The following ANKDD1B variants were observed in gnomAD, a reference collection of about 807,000 sequenced individuals.
The protein encoded by ANKDD1B is ankyrin repeat and death domain-containing protein 1B.
In ANKDD1B, 57 loss-of-function variants were observed where a neutral mutation model predicts 59.7. The observed-to-expected ratio is 0.95, with a 90% CI of 0.77 to 1.19. The LOEUF is 1.19. Among genes scored for constraint, ANKDD1B ranks in the 50% most tolerant of loss-of-function variants. The pLI is 0.00. For missense variants in ANKDD1B, 602 were observed against 641.9 expected (o/e 0.94, Z 0.67); for synonymous variants, 216 against 239.5 (o/e 0.90, Z 0.91).
At chr5:75,612,332 TCCGCCCCGC>T (rs1773589058) in intron 1 of ANKDD1B, among the ~76,000 whole-genome samples, 1 of 32,178 alleles carries the variant, frequency 3.1e-5, no homozygotes, top group Non-Finnish European at 7.0e-5. Context: ...CCCCCCGCCC[TCCGCCCCGC>T]CCCCGCCCTC....
chr5:75,624,411 A>C (rs1213786594), intron 3 of ANKDD1B, among the ~76,000 whole-genome samples: 1 of 152,130 alleles, frequency 6.6e-6, no homozygotes, highest in African/African-American at 2.4e-5. Context: ...CCTCCCTAAA[A>C]TAACCAGTGT....
intron 11 of ANKDD1B, among the ~76,000 whole-genome samples, chr5:75,666,125 C>G (rs1308883053): frequency 1.3e-5 from 2 of 152,098 alleles, no homozygotes; most frequent in South Asian, 2.1e-4. Flanking sequence ...CTGCAGGACT[C>G]TGGTGGATTC....
At chr5:75,632,565 G>A (rs1173574843) in intron 5 of ANKDD1B, among the ~76,000 whole-genome samples, 1 of 152,184 alleles carries the variant, frequency 6.6e-6, no homozygotes, top group Non-Finnish European at 1.5e-5. Context: ...AGAAGAGGCA[G>A]GAGCCTATAA....
At position 75,656,103 on chromosome 5, in the gene ANKDD1B, G is replaced by C; in HGVS notation, c.972G>C (p.Gln324His). Residue 324 changes from glutamine (Q) to histidine (H), a missense_variant, in exon 9 of 14, where the codon CAG becomes CAC. Transcript: ENST00000601380. Reference sequence around the variant, plus strand: ...TTGTAAACAGTTTATTAAGTGCACAGCATGATATTGACATCTTAAATCAGG... The same window carrying C: ...TTGTAAACAGTTTATTAAGTGCACACCATGATATTGACATCTTAAATCAGG... ...ITVVNSLLSA[Q>H]HDIDILNQKQ... The C allele has an allele frequency of 6.6e-7, 1 of 1,521,710 alleles. No homozygotes were observed. Among genetic ancestry groups the C allele is most frequent in the Non-Finnish European group, 8.8e-7 (1 of 1,135,102 alleles). The allele number at this position is 1,521,710 out of a possible 1,614,324, so 94.3% of individuals were successfully genotyped here.
At chr5:75,634,313 G>A (rs527296554) in intron 5 of ANKDD1B, among the ~76,000 whole-genome samples, 9 of 152,260 alleles carry the variant, frequency 5.9e-5, no homozygotes, top group Non-Finnish European at 1.0e-4. Context: ...TCTGGGTAAT[G>A]CCTCATTTCT....
At chr5:75,640,325 C>A (rs951436641) in intron 7 of ANKDD1B, among the ~76,000 whole-genome samples, 10 of 151,956 alleles carry the variant, frequency 6.6e-5, no homozygotes, top group Non-Finnish European at 1.3e-4. Context: ...GATTACAGGC[C>A]GAGCCACTGA....
chr5:75,631,008 C>G (rs569546758), intron 5 of ANKDD1B, among the ~76,000 whole-genome samples: 5 of 152,306 alleles, frequency 3.3e-5, no homozygotes, highest in African/African-American at 1.2e-4. Context: ...CAATCTCGAA[C>G]CAATCACTGT....
In ANKDD1B at chr5:75,666,939, C is replaced by G; in HGVS notation, c.1339C>G (p.Arg447Gly). 6.6e-7 allele frequency: 1 copy of G among 1,520,446 alleles called. No individual in the cohort carries two copies. The highest frequency in any genetic ancestry group is 8.8e-7 in the Non-Finnish European group (1 of 1,139,962). The allele number at this position is 1,520,446 out of a possible 1,614,324, so 94.2% of individuals were successfully genotyped here. The change falls in exon 12 of 14, where the codon CGT (arginine) becomes GGT (glycine). Residue 447 changes from arginine to glycine, a missense_variant. Around this residue, in one of 3 missense-constraint regions of ANKDD1B, gnomAD observed 280 missense variants for 319.8 expected, o/e 0.88. Coordinates refer to ENST00000601380, the MANE Select transcript of ANKDD1B (RefSeq NM_001276713.2). ...GGCCAATGAGTGGCAGAGGCTGGCC[C>G]GTTCGTGGAACTTTACAGATGACCA... is the stretch of plus-strand genomic sequence containing the variant. ...LKANEWQRLA[R>G]SWNFTDDQIR... is the part of the protein sequence containing the mutation.
chr5:75,670,018 C>G (rs925630917), intron 13 of ANKDD1B, among the ~76,000 whole-genome samples: 2 of 152,100 alleles, frequency 1.3e-5, no homozygotes, highest in African/African-American at 4.8e-5. Flanking sequence ...GCAGTTTTAC[C>G]TGGAGCAAGA....
At chr5:75,628,416 G>A (rs907516552) in intron 5 of ANKDD1B, among the ~76,000 whole-genome samples, 3 of 152,136 alleles carry the variant, frequency 2.0e-5, no homozygotes, top group African/African-American at 7.2e-5. Context: ...ATTGTGGGGG[G>A]AAATGCCAGT....
chr5:75,625,321 A>G (rs1561434054), intron 3 of ANKDD1B, among the ~76,000 whole-genome samples: 1 of 152,142 alleles, frequency 6.6e-6, no homozygotes, highest in Non-Finnish European at 1.5e-5. Context: ...TTTATTATCT[A>G]TCTGTTCTAA....
intron 5 of ANKDD1B, among the ~76,000 whole-genome samples, chr5:75,629,613 A>G (rs1390583761): frequency 1.3e-5 from 2 of 152,076 alleles, no homozygotes; most frequent in Non-Finnish European, 2.9e-5. Flanking sequence ...TAACATGCAA[A>G]AAAAAAAATT....
At chr5:75,615,450 G>C (rs1183426670) in intron 1 of ANKDD1B, among the ~76,000 whole-genome samples, 2 of 152,134 alleles carry the variant, frequency 1.3e-5, no homozygotes, top group African/African-American at 4.8e-5. Context: ...GAAGGATCCA[G>C]GTAATAGAAA....
chr5:75,671,186 CATG>C lies in ANKDD1B; in HGVS notation c.*149_*151del, dbSNP rs1479169926. The C allele has an allele frequency of 1.0e-5, 4 of 397,984 alleles. No homozygotes were observed. Among genetic ancestry groups the C allele is most frequent in the African/African-American group, 8.2e-5 (4 of 48,534 alleles). 24.7% of individuals were successfully genotyped at this position (397,984 alleles called of 1,614,324 possible). Reference sequence around the variant, plus strand: ...CTAACAGATGAAAGAAGAGTAATACCATGATACTTTTCAACCACTAAAAAGTCA... The same window carrying C: ...CTAACAGATGAAAGAAGAGTAATACCATACTTTTCAACCACTAAAAAGTCA... On this transcript the variant is annotated 3_prime_UTR_variant, in exon 14 of 14. Transcript: ENST00000601380.
intron 5 of ANKDD1B, among the ~76,000 whole-genome samples, chr5:75,632,859 T>G (rs969194221): frequency 1.3e-5 from 2 of 152,220 alleles, no homozygotes; most frequent in African/African-American, 2.4e-5. Flanking sequence ...GGCAATATAT[T>G]TCTCATCTTG....
intron 7 of ANKDD1B, among the ~76,000 whole-genome samples, chr5:75,650,049 T>A (rs1350437997): frequency 1.3e-5 from 2 of 152,176 alleles, no homozygotes; most frequent in Admixed American, 6.5e-5. Flanking sequence ...GGCTCACGTA[T>A]CCTCCCAGTA....
intron 5 of ANKDD1B, among the ~76,000 whole-genome samples, chr5:75,633,794 G>A (rs1330810075): frequency 2.0e-5 from 3 of 152,176 alleles, no homozygotes; most frequent in Non-Finnish European, 4.4e-5. Context: ...GGTAGGAGGT[G>A]GGACCTATTG....
rs150277806 is a variant in ANKDD1B, at chr5:75,615,727, C to A, written c.194-1077C>A. On this transcript the variant is annotated intron_variant, in intron 1 of 13. Coordinates refer to ENST00000601380, the MANE Select transcript of ANKDD1B (RefSeq NM_001276713.2). Reference sequence around the variant, plus strand: ...GTCCTAATCTCTCTTCTTATAGGGACACCAATCATTATCAGATTGGAGCCC... The same window carrying A: ...GTCCTAATCTCTCTTCTTATAGGGAAACCAATCATTATCAGATTGGAGCCC... Among the ~76,000 whole-genome samples, 626 of 151,608 alleles carry A rather than the reference C, an allele frequency of 4.1e-3. 5 individuals are homozygous for A. Among genetic ancestry groups the A allele is most frequent in the African/African-American group, 0.011 (440 of 41,198 alleles).
intron 2 of ANKDD1B, among the ~76,000 whole-genome samples, chr5:75,618,088 G>A (rs1051155477): frequency 2.6e-5 from 4 of 151,358 alleles, no homozygotes; most frequent in African/African-American, 7.3e-5. Context: ...ATTTTGTAGC[G>A]TAACAATTTT....
Sources: allele counts gnomAD v4.1 joint callset (sites outside exome capture counted in the v4.1 genomes callset), GRCh38; gene constraint gnomAD v4.1.1; regional missense constraint gnomAD v4.1.1; transcripts MANE v1.5; gene names NCBI Gene and HGNC (gene_info 2026-07-23, HGNC 2026-07-21).